AOAH: variants seen among roughly 807,000 people sequenced by gnomAD.
The protein encoded by AOAH is acyloxyacyl hydrolase (neutrophil).
Under a neutral mutation model 92.2 loss-of-function variants are expected in AOAH, and 64 were observed. That is an observed-to-expected ratio of 0.69 (90% CI 0.57 to 0.86). The LOEUF (loss-of-function observed/expected upper bound fraction) is 0.86, where lower values mean the gene tolerates loss of function less well. Among genes scored for constraint, AOAH ranks in the 40% least tolerant of loss-of-function variants. The probability of loss-of-function intolerance (pLI) is 0.00; values close to 1 mark genes in which losing one functional copy is unlikely to be tolerated. For missense variants in AOAH, 656 were observed against 694.6 expected, an observed-to-expected ratio of 0.94 and a Z score of 0.62; for synonymous variants, 263 against 254.5, an observed-to-expected ratio of 1.03 and a Z score of -0.32.
intron 13 of AOAH, among the ~76,000 whole-genome samples, chr7:36,565,243 C>T (rs2116517682): frequency 7.2e-6 from 1 of 138,936 alleles, no homozygotes; most frequent in South Asian, 2.5e-4. Context: ...TGTATCAAGG[C>T]TCTGCAAACA....
At position 36,724,457 on chromosome 7, in the gene AOAH, T is replaced by C. The variant is rs1188732664; in HGVS notation, c.-309A>G. The C allele has an allele frequency of 4.2e-6, 1 of 239,576 alleles. No individual in the cohort carries two copies. The highest frequency in any genetic ancestry group is 8.6e-6 in the Non-Finnish European group (1 of 115,766). 14.8% of individuals were successfully genotyped at this position (239,576 alleles called of 1,614,324 possible). Reference sequence around the variant, plus strand: ...GACTGCAGGATAAAGAAAACCCAAGTTGCACAGTGGCACAACTTCCGTGCT... The same window carrying C: ...GACTGCAGGATAAAGAAAACCCAAGCTGCACAGTGGCACAACTTCCGTGCT... On this transcript the variant is annotated 5_prime_UTR_variant, in exon 1 of 21. Transcript: ENST00000617537.
intron 15 of AOAH, among the ~76,000 whole-genome samples, chr7:36,541,293 T>C (rs1247207410): frequency 6.6e-6 from 1 of 152,196 alleles, no homozygotes; most frequent in African/African-American, 2.4e-5. Flanking sequence ...TATTTGAATT[T>C]TTAAATTATA....
intron 1 of AOAH, among the ~76,000 whole-genome samples, chr7:36,702,955 A>G (rs1279604973): frequency 6.6e-6 from 1 of 152,196 alleles, no homozygotes; most frequent in Admixed American, 6.5e-5. Context: ...TGCTTTATCA[A>G]CTAAGTTTAT....
chr7:36,698,771 T>A (rs1417597761), intron 1 of AOAH, among the ~76,000 whole-genome samples: 1 of 152,188 alleles, frequency 6.6e-6, no homozygotes, highest in African/African-American at 2.4e-5. Flanking sequence ...AATTGGGATA[T>A]CTATCATCTT....
At chr7:36,615,349 A>G (rs2115951508) in intron 11 of AOAH, among the ~76,000 whole-genome samples, 1 of 152,376 alleles carries the variant, frequency 6.6e-6, no homozygotes, top group East Asian at 1.9e-4. Flanking sequence ...GGAGACTGCC[A>G]AAGAAAAGTG....
At chr7:36,603,251 C>T (rs1219268679) in intron 11 of AOAH, among the ~76,000 whole-genome samples, 1 of 152,136 alleles carries the variant, frequency 6.6e-6, no homozygotes, top group Non-Finnish European at 1.5e-5. Context: ...CTCCATGTCC[C>T]CAACCTCTCC....
chr7:36,608,910 A>C (rs200537619), intron 11 of AOAH, among the ~76,000 whole-genome samples: 2 of 17,240 alleles, frequency 1.2e-4, no homozygotes, highest in Non-Finnish European at 3.3e-4. Flanking sequence ...TGCGGCGGGG[A>C]GGGGGGGGGG....
chr7:36,572,521 AC>A (rs1484147389), intron 13 of AOAH, among the ~76,000 whole-genome samples: 3 of 151,618 alleles, frequency 2.0e-5, no homozygotes, highest in Non-Finnish European at 2.9e-5. Context: ...AGACCCTGTC[AC>A]AAAAAGAAAA....
chr7:36,548,716 C>T, intron 14 of AOAH, 30 bp from the exon 15 acceptor site: 1 of 1,595,470 alleles, frequency 6.3e-7, no homozygotes, highest in South Asian at 1.1e-5. Flanking sequence ...ATCTGAATGT[C>T]AGATACTTGG....
intron 12 of AOAH, among the ~76,000 whole-genome samples, chr7:36,587,767 G>A (rs1789453512): frequency 6.6e-6 from 1 of 152,084 alleles, no homozygotes; most frequent in African/African-American, 2.4e-5. Context: ...CAAATTTTAT[G>A]ATTTTCAAAC....
chr7:36,531,811 C>T (rs1235786634), intron 18 of AOAH, among the ~76,000 whole-genome samples: 1 of 151,902 alleles, frequency 6.6e-6, no homozygotes, highest in Non-Finnish European at 1.5e-5. Flanking sequence ...TCTCCAACTC[C>T]ACAACTATGC....
At chr7:36,712,081 T>C (rs918470774) in intron 1 of AOAH, among the ~76,000 whole-genome samples, 7 of 152,178 alleles carry the variant, frequency 4.6e-5, no homozygotes, top group African/African-American at 1.7e-4. Flanking sequence ...TATAGAGAAA[T>C]AGAAAGAGTG....
chr7:36,584,809 A>AT (rs1789195514), intron 12 of AOAH, among the ~76,000 whole-genome samples: 1 of 152,126 alleles, frequency 6.6e-6, no homozygotes. Context: ...ATCTTATTTG[A>AT]TTTAGATAAT....
At chr7:36,544,280 A>G (rs55831774) in intron 15 of AOAH, among the ~76,000 whole-genome samples, 24,026 of 152,072 alleles carry the variant, frequency 0.16, 2,378 homozygotes, top group Non-Finnish European at 0.23. Flanking sequence ...TGATCTGTGT[A>G]CTTTTTCCCC....
At chr7:36,618,210 G>T in intron 10 of AOAH, 87 bp downstream of exon 10, 1 of 1,166,724 alleles carries the variant, frequency 8.6e-7, no homozygotes, top group South Asian at 1.2e-5. Flanking sequence ...AGCACGTTCT[G>T]ACTTAGGTGG....
At chr7:36,609,219 T>C (rs1791236623) in intron 11 of AOAH, among the ~76,000 whole-genome samples, 1 of 152,216 alleles carries the variant, frequency 6.6e-6, no homozygotes, top group Non-Finnish European at 1.5e-5. Context: ...TCTTCCCCAC[T>C]GTACTTTTCT....
chr7:36,610,111 C>A, intron 11 of AOAH, among the ~76,000 whole-genome samples: 1 of 49,022 alleles, frequency 2.0e-5, no homozygotes. Flanking sequence ...AGGTTTTTTT[C>A]TTTTTTTCTT....
intron 13 of AOAH, among the ~76,000 whole-genome samples, chr7:36,570,358 G>C (rs1788055719): frequency 6.6e-6 from 1 of 152,148 alleles, no homozygotes; most frequent in South Asian, 2.1e-4. Flanking sequence ...TGTTTTAAAG[G>C]CTGAATAGTA....
At chr7:36,603,053 G>A (rs543531724) in intron 11 of AOAH, among the ~76,000 whole-genome samples, 1 of 152,276 alleles carries the variant, frequency 6.6e-6, no homozygotes, top group Admixed American at 6.5e-5. Flanking sequence ...TACATCTTCA[G>A]TAGTGTTTCC....
Sources: gnomAD v4.1 joint callset for allele counts (sites outside exome capture counted in the v4.1 genomes callset) on GRCh38, gnomAD v4.1.1 for gene constraint, MANE v1.5 for transcripts, NCBI Gene and HGNC (gene_info 2026-07-23, HGNC 2026-07-21) for gene names.